GRAMD1B: variants seen among roughly 807,000 people sequenced by gnomAD.
GRAMD1B encodes the protein protein Aster-B.
Under a neutral mutation model 99.7 loss-of-function variants are expected in GRAMD1B, and 37 were observed. That is an observed-to-expected ratio of 0.37 (90% confidence interval 0.29 to 0.49). The LOEUF is 0.49. Ranked by LOEUF, GRAMD1B falls within the 20% of genes least tolerant of loss-of-function variation. GRAMD1B has a pLI of 0.98. For synonymous variants in GRAMD1B, 427 were observed against 387.6 expected, an observed-to-expected ratio of 1.10 and a Z score of -1.19; for missense variants, 888 against 1,009.2, an observed-to-expected ratio of 0.88 and a Z score of 1.63.
chr11:123,399,570 T>G (rs1355439665), intron 1 of GRAMD1B, among the ~76,000 whole-genome samples: 1 of 152,134 alleles, frequency 6.6e-6, no homozygotes, highest in African/African-American at 2.4e-5. Context: ...AAGAGTTCCC[T>G]TTTCTCCACA....
At chr11:123,422,360 G>A (rs1235044632) in intron 1 of GRAMD1B, among the ~76,000 whole-genome samples, 1 of 152,196 alleles carries the variant, frequency 6.6e-6, no homozygotes, top group African/African-American at 2.4e-5. Flanking sequence ...TGCATTGTTT[G>A]CAGAAAGATA....
chr11:123,488,929 TA>T (rs368695977), intron 2 of GRAMD1B, among the ~76,000 whole-genome samples: 2,964 of 151,042 alleles, frequency 0.02, 46 homozygotes, highest in Middle Eastern at 0.048. Flanking sequence ...GGAAAATAGT[TA>T]GGGGGGGGCG....
chr11:123,405,652 T>C (rs937963000), intron 1 of GRAMD1B, among the ~76,000 whole-genome samples: 4 of 152,032 alleles, frequency 2.6e-5, no homozygotes, highest in Non-Finnish European at 5.9e-5. Context: ...GTCAGAGAAT[T>C]AGGAACTTTG....
At chr11:123,552,865 A>AG (rs1945764031) in intron 2 of GRAMD1B, among the ~76,000 whole-genome samples, 1 of 152,232 alleles carries the variant, frequency 6.6e-6, no homozygotes, top group African/African-American at 2.4e-5. Context: ...AATGAGTGTT[A>AG]GCTCTTTTTA....
At chr11:123,423,018 C>T (rs1217693312) in intron 1 of GRAMD1B, among the ~76,000 whole-genome samples, 6 of 152,124 alleles carry the variant, frequency 3.9e-5, no homozygotes, top group Non-Finnish European at 8.8e-5. Flanking sequence ...TTGTAGGAAG[C>T]AATAATCATT....
intron 14 of GRAMD1B, among the ~76,000 whole-genome samples, chr11:123,611,441 A>C (rs929957649): frequency 6.6e-6 from 1 of 152,154 alleles, no homozygotes; most frequent in Non-Finnish European, 1.5e-5. Context: ...CTCTTAAAAA[A>C]GAGGGCCTGC....
At chr11:123,580,488 C>G (rs1465667988) in intron 3 of GRAMD1B, among the ~76,000 whole-genome samples, 1 of 152,200 alleles carries the variant, frequency 6.6e-6, no homozygotes, top group Non-Finnish European at 1.5e-5. Context: ...TTTGGGCAAG[C>G]TGGCCAGTGC....
chr11:123,608,327 AAGTAGTCATTT>A, intron 11 of GRAMD1B: 3 of 631,800 alleles, frequency 4.7e-6, no homozygotes, highest in South Asian at 4.2e-5. Flanking sequence ...CAACTTCCAG[AAGTAGTCATTT>A]ATTTGAATTT....
intron 2 of GRAMD1B, among the ~76,000 whole-genome samples, chr11:123,541,486 G>A (rs976823924): frequency 6.6e-6 from 1 of 150,388 alleles, no homozygotes; most frequent in Non-Finnish European, 1.5e-5. Flanking sequence ...TTGATCATTG[G>A]TAACATGTTA....
intron 4 of GRAMD1B, among the ~76,000 whole-genome samples, chr11:123,589,984 C>G (rs1052703827): frequency 6.6e-6 from 1 of 152,170 alleles, no homozygotes; most frequent in Non-Finnish European, 1.5e-5. Context: ...TCTTCCCCAC[C>G]CCACTGCTGT....
chr11:123,366,796 C>T (rs1268295893), intron 1 of GRAMD1B, among the ~76,000 whole-genome samples: 1 of 152,176 alleles, frequency 6.6e-6, no homozygotes, highest in Non-Finnish European at 1.5e-5. Context: ...CTTCTCTCTA[C>T]CAATTGTAGA....
intron 1 of GRAMD1B, among the ~76,000 whole-genome samples, chr11:123,478,890 C>T (rs139811553): frequency 1.7e-3 from 252 of 152,314 alleles, no homozygotes; most frequent in African/African-American, 5.9e-3. Context: ...ATTTGAGTTA[C>T]AGTCATCTGT....
chr11:123,577,609 T>G, intron 3 of GRAMD1B, 32 bp downstream of exon 3: 10 of 1,504,162 alleles, frequency 6.6e-6, no homozygotes, highest in Non-Finnish European at 9.1e-6. Context: ...CGGTACCTCC[T>G]TGTCAGGGGC....
intron 1 of GRAMD1B, among the ~76,000 whole-genome samples, chr11:123,419,698 AGTGTGTGTGTGTGTGTGTGTGTGT>A (rs3222403): frequency 3.4e-4 from 45 of 134,102 alleles, no homozygotes; most frequent in African/African-American, 7.6e-4. Flanking sequence ...GGAATTTCTA[AGTGTGTGTGTGTGTGTGTGTGTGT>A]GTGTGTGTGT....
chr11:123,382,653 G>A (rs986062523), intron 1 of GRAMD1B, among the ~76,000 whole-genome samples: 1 of 152,188 alleles, frequency 6.6e-6, no homozygotes, highest in Admixed American at 6.5e-5. Context: ...CAGGAATATA[G>A]GTGATCATGT....
At chr11:123,586,968 C>G (rs1006601967) in intron 4 of GRAMD1B, among the ~76,000 whole-genome samples, 2 of 152,192 alleles carry the variant, frequency 1.3e-5, no homozygotes, top group African/African-American at 4.8e-5. Flanking sequence ...TTAGGAAACC[C>G]CTGGCTGGAG....
upstream of GRAMD1B, among the ~76,000 whole-genome samples, chr11:123,428,512 T>C (rs1404402764): frequency 6.6e-6 from 1 of 152,214 alleles, no homozygotes; most frequent in African/African-American, 2.4e-5. Context: ...CCTTGGCTCT[T>C]CAGCCGCAGT....
chr11:123,386,499 A>G (rs1947063909), intron 1 of GRAMD1B, among the ~76,000 whole-genome samples: 1 of 144,054 alleles, frequency 6.9e-6, no homozygotes, highest in Non-Finnish European at 1.5e-5. Flanking sequence ...GTGCAATGGC[A>G]TGATCTTGGC....
rs188524508 is a variant in GRAMD1B, at chr11:123,591,930, G to A, written c.685-2152G>A. Among the ~76,000 whole-genome samples the A allele has an allele frequency of 5.3e-5, 8 of 152,316 alleles. No homozygotes were observed. The East Asian group carries it at 1.2e-3, about 22-fold the overall frequency. On this transcript the variant is annotated intron_variant, in intron 4 of 19. Transcript: ENST00000635736. This position sits in a 1 kb window ranked among gnomAD's most constrained non-coding sequence, Gnocchi z 4.7. ...ACAGCTTTGTTTTAAGGAAAGTAGC[G>A]GCCCCCTCGATTTGCCTGCGGGTTG...
Sources: allele counts gnomAD v4.1 joint callset (sites outside exome capture counted in the v4.1 genomes callset), GRCh38; gene constraint gnomAD v4.1.1; non-coding constraint Gnocchi (gnomAD v3.1); transcripts MANE v1.5; gene names NCBI Gene and HGNC (gene_info 2026-07-23, HGNC 2026-07-21).